The following JARID2 variants were observed in gnomAD, a reference collection of about 807,000 sequenced individuals.
JARID2 encodes protein Jumonji.
A neutral mutation model predicts 125.6 loss-of-function variants in JARID2; 21 were observed. That is an observed-to-expected ratio of 0.17 (90% confidence interval 0.12 to 0.24). JARID2 has a LOEUF of 0.24. Among genes scored for constraint, JARID2 ranks in the 10% least tolerant of loss-of-function variants. JARID2 has a pLI of 1.00. For synonymous variants in JARID2, 736 were observed against 661.6 expected, an observed-to-expected ratio of 1.11 and a Z score of -1.73; for missense variants, 1,303 against 1,639.6, an observed-to-expected ratio of 0.79 and a Z score of 3.55.
chr6:15,459,285 T>G (rs1479481472), intron 4 of JARID2, among the ~76,000 whole-genome samples: 1 of 152,234 alleles, frequency 6.6e-6, no homozygotes, highest in East Asian at 1.9e-4. Context: ...AAGTCCATTA[T>G]GTAACATGGC....
intron 1 of JARID2, among the ~76,000 whole-genome samples, chr6:15,256,782 T>C (rs920865824): frequency 6.6e-6 from 1 of 152,236 alleles, no homozygotes; most frequent in South Asian, 2.1e-4. Flanking sequence ...GCTGGAGTTA[T>C]TTGCTTACAT....
intron 12 of JARID2, 60 bp downstream of exon 12, chr6:15,508,514 G>A (rs1771115406): frequency 1.1e-6 from 1 of 876,166 alleles, no homozygotes; most frequent in Non-Finnish European, 2.0e-6. Flanking sequence ...ACCACATGAA[G>A]TGGGGCCTGT....
intron 1 of JARID2, 109 bp from the exon 2 acceptor site, chr6:15,374,008 G>C: frequency 8.0e-7 from 1 of 1,244,086 alleles, no homozygotes. Flanking sequence ...ACTGGGTCGT[G>C]GTCACACAGT....
intron 1 of JARID2, among the ~76,000 whole-genome samples, chr6:15,366,496 T>C (rs1425823300): frequency 2.9e-4 from 2 of 6,960 alleles, no homozygotes; most frequent in Admixed American, 1.9e-3. Flanking sequence ...GATCTCTATA[T>C]GTGGGTGGGG....
At chr6:15,408,544 T>C (rs1369886982) in intron 2 of JARID2, among the ~76,000 whole-genome samples, 2 of 152,198 alleles carry the variant, frequency 1.3e-5, no homozygotes, top group Admixed American at 1.3e-4. Flanking sequence ...AGTAAAGATA[T>C]TATTTAAACT....
intron 8 of JARID2, among the ~76,000 whole-genome samples, chr6:15,502,554 G>A (rs1051320142): frequency 4.6e-5 from 7 of 152,152 alleles, no homozygotes; most frequent in Non-Finnish European, 7.4e-5. Flanking sequence ...TGCAGGCTCT[G>A]GCCTGGCCTT....
At chr6:15,351,527 C>A (rs1763428132) in intron 1 of JARID2, among the ~76,000 whole-genome samples, 1 of 152,132 alleles carries the variant, frequency 6.6e-6, no homozygotes, top group Non-Finnish European at 1.5e-5. Flanking sequence ...CCACTTTCCT[C>A]ATGTAAAATG....
chr6:15,359,432 AT>A (rs1430432952), intron 1 of JARID2, among the ~76,000 whole-genome samples: 1 of 151,716 alleles, frequency 6.6e-6, no homozygotes, highest in African/African-American at 2.4e-5. Context: ...CCACACACAT[AT>A]TTTTGATTTG....
intron 3 of JARID2, among the ~76,000 whole-genome samples, chr6:15,418,055 C>G (rs933628756): frequency 6.6e-6 from 1 of 152,086 alleles, no homozygotes; most frequent in African/African-American, 2.4e-5. Flanking sequence ...TTTCCTCTGC[C>G]GAGCTTGGTG....
chr6:15,260,517 A>G (rs1395490788), intron 1 of JARID2, among the ~76,000 whole-genome samples: 1 of 152,184 alleles, frequency 6.6e-6, no homozygotes, highest in Non-Finnish European at 1.5e-5. Flanking sequence ...CCATGGGCCA[A>G]GTCTCATAGT....
At chr6:15,456,360 G>A (rs1377389879) in intron 4 of JARID2, among the ~76,000 whole-genome samples, 1 of 152,012 alleles carries the variant, frequency 6.6e-6, no homozygotes, top group African/African-American at 2.4e-5. Flanking sequence ...TCTTTTAGAT[G>A]TCAAATACAA....
At chr6:15,479,867 A>ACT (rs1581623044) in intron 5 of JARID2, among the ~76,000 whole-genome samples, 2 of 152,226 alleles carry the variant, frequency 1.3e-5, no homozygotes, top group East Asian at 3.8e-4. Context: ...GGGTTACAGC[A>ACT]CTCACACATG....
Position 15,256,699 on chromosome 6 carries a change from C to G in JARID2, c.45+10115C>G, listed in dbSNP as rs181187555. Among the ~76,000 whole-genome samples the G allele has an allele frequency of 9.2e-5, 14 of 152,268 alleles. No homozygotes were observed. In the East Asian group the frequency reaches 2.5e-3, roughly 27 times the overall value. On this transcript the variant is annotated intron_variant, in intron 1 of 17. Transcript: ENST00000341776. The stretch of plus-strand genomic sequence containing the variant: ...ACCGTGTTTGTCTGAAGCCTGTCAC[C>G]CTGTTCACCCCGTCTGGCAGAGCCA...
At chr6:15,286,346 G>A (rs377150985) in intron 1 of JARID2, among the ~76,000 whole-genome samples, 14 of 149,748 alleles carry the variant, frequency 9.3e-5, no homozygotes, top group African/African-American at 3.2e-4. Flanking sequence ...TCTGCTTCCC[G>A]GATTCAAATG....
chr6:15,362,021 G>A (rs1763813971), intron 1 of JARID2, among the ~76,000 whole-genome samples: 1 of 150,824 alleles, frequency 6.6e-6, no homozygotes, highest in South Asian at 2.1e-4. Context: ...TTAGCCTCCA[G>A]AGTAGGTGGG....
intron 3 of JARID2, among the ~76,000 whole-genome samples, chr6:15,432,042 G>A (rs1263054552): frequency 6.6e-6 from 1 of 151,956 alleles, no homozygotes; most frequent in African/African-American, 2.4e-5. Context: ...GTTACCGGTG[G>A]AGGGTGTCCA....
chr6:15,380,839 A>C (rs939341001), intron 2 of JARID2, among the ~76,000 whole-genome samples: 4 of 152,168 alleles, frequency 2.6e-5, no homozygotes, highest in Non-Finnish European at 2.9e-5. Context: ...TTGTGAATCA[A>C]AATAAAAAAA....
At chr6:15,319,800 A>G (rs1050688470) in intron 1 of JARID2, among the ~76,000 whole-genome samples, 2 of 152,212 alleles carry the variant, frequency 1.3e-5, no homozygotes, top group African/African-American at 2.4e-5. Context: ...TACCTAATCA[A>G]TGGTTGCAGA....
At chr6:15,381,335 C>G (rs1764577470) in intron 2 of JARID2, among the ~76,000 whole-genome samples, 2 of 117,308 alleles carry the variant, frequency 1.7e-5, no homozygotes, top group African/African-American at 6.7e-5. Flanking sequence ...AGGGAGACTC[C>G]TGTCTCAAAA....
Sources: gnomAD v4.1 joint callset for allele counts (sites outside exome capture counted in the v4.1 genomes callset) on GRCh38, gnomAD v4.1.1 for gene constraint, MANE v1.5 for transcripts, NCBI Gene and HGNC (gene_info 2026-07-23, HGNC 2026-07-21) for gene names.